CSMD3: variants seen among roughly 807,000 people sequenced by gnomAD.
CSMD3 encodes CUB and Sushi multiple domains 3, also known as CUB and sushi domain-containing protein 3.
CSMD3 carries 177 observed loss-of-function variants against 435.2 expected under a neutral mutation model. That is an observed-to-expected ratio of 0.41 (90% confidence interval 0.36 to 0.46). The LOEUF is 0.46. Ranked by LOEUF, CSMD3 falls within the 20% of genes least tolerant of loss-of-function variation. The pLI, the probability that CSMD3 is intolerant of heterozygous loss-of-function variation, is 0.34. For missense variants in CSMD3, 4,265 were observed against 4,504.6 expected, an observed-to-expected ratio of 0.95 and a Z score of 1.52; for synonymous variants, 1,656 against 1,520.5, an observed-to-expected ratio of 1.09 and a Z score of -2.07.
chr8:113,143,908 T>C (rs879382072), intron 4 of CSMD3, among the ~76,000 whole-genome samples: 2 of 151,386 alleles, frequency 1.3e-5, no homozygotes, highest in Non-Finnish European at 3.0e-5. Flanking sequence ...TGGGATATTG[T>C]ACTATATTTT....
intron 1 of CSMD3, among the ~76,000 whole-genome samples, chr8:113,365,029 A>C (rs1293826432): frequency 2.0e-5 from 3 of 152,056 alleles, no homozygotes; most frequent in African/African-American, 7.2e-5. Flanking sequence ...ATCCCTTAAT[A>C]TCTCTCAGGA....
chr8:112,665,591 T>C (rs530058500), intron 17 of CSMD3, among the ~76,000 whole-genome samples: 1 of 152,298 alleles, frequency 6.6e-6, no homozygotes, highest in Non-Finnish European at 1.5e-5. Context: ...TTTGTTCATC[T>C]GTTTGTTTTT....
chr8:112,386,163 C>G (rs918633423), intron 36 of CSMD3, among the ~76,000 whole-genome samples: 4 of 151,976 alleles, frequency 2.6e-5, no homozygotes, highest in Non-Finnish European at 5.9e-5. Context: ...TGGGCAGGGA[C>G]GAGGGAGGAG....
intron 42 of CSMD3, 145 bp from the exon 43 acceptor site, chr8:112,337,876 C>T (rs781742222): frequency 2.8e-4 from 172 of 605,254 alleles, no homozygotes; most frequent in Middle Eastern, 2.0e-3. Context: ...ATGATAAATG[C>T]TGTCAATGAC....
intron 13 of CSMD3, among the ~76,000 whole-genome samples, chr8:112,758,365 T>G (rs1205311951): frequency 6.6e-6 from 1 of 151,322 alleles, no homozygotes; most frequent in Non-Finnish European, 1.5e-5. Flanking sequence ...AAAAAAAAAT[T>G]TAAAAAAGGA....
rs149175932 is a variant in CSMD3, at chr8:112,939,537, A to C, written c.1508+8253T>G. ...CTTCCCCAAGTCAAGTAAAAAGAGC[A>C]ATAGAACTTAAAAGTAAGTTCATCT... On this transcript the variant is annotated intron_variant, in intron 9 of 70. Coordinates refer to ENST00000297405, the MANE Select transcript of CSMD3 (RefSeq NM_198123.2). Among the ~76,000 whole-genome samples the C allele has an allele frequency of 5.6e-4, 85 of 152,222 alleles. 2 individuals carry two copies. In the East Asian group the frequency reaches 0.014, roughly 24 times the overall value.
At chr8:112,938,618 A>G (rs2083357317) in intron 9 of CSMD3, among the ~76,000 whole-genome samples, 1 of 152,172 alleles carries the variant, frequency 6.6e-6, no homozygotes, top group Non-Finnish European at 1.5e-5. Flanking sequence ...TTAAGCAACT[A>G]GTAAGTTAGA....
intron 1 of CSMD3, among the ~76,000 whole-genome samples, chr8:113,334,817 AT>A (rs2094058563): frequency 2.0e-5 from 3 of 151,958 alleles, no homozygotes; most frequent in Admixed American, 6.6e-5. Flanking sequence ...GAATCGGTGC[AT>A]TTTGTCTTAA....
At chr8:112,700,632 G>A (rs1250143214) in intron 13 of CSMD3, among the ~76,000 whole-genome samples, 1 of 152,128 alleles carries the variant, frequency 6.6e-6, no homozygotes, top group Non-Finnish European at 1.5e-5. Context: ...GACCATTTCT[G>A]TTGGCTCCTC....
intron 1 of CSMD3, among the ~76,000 whole-genome samples, chr8:113,392,095 C>T (rs1404807238): frequency 2.6e-5 from 4 of 152,002 alleles, no homozygotes; most frequent in Non-Finnish European, 4.4e-5. Context: ...TTTCTTGAAA[C>T]CACTGTAAAA....
chr8:112,229,831 T>C (rs1812921649), intron 69 of CSMD3, among the ~76,000 whole-genome samples: 1 of 151,372 alleles, frequency 6.6e-6, no homozygotes, highest in African/African-American at 2.4e-5. Flanking sequence ...TAGGATGGAC[T>C]TCAGGGAATA....
At chr8:113,085,379 A>G (rs1274784825) in intron 5 of CSMD3, among the ~76,000 whole-genome samples, 1 of 152,176 alleles carries the variant, frequency 6.6e-6, no homozygotes, top group Non-Finnish European at 1.5e-5. Flanking sequence ...GAAGTTTCTC[A>G]AAAAACTAAA....
chr8:112,776,701 G>T (rs1184615043), intron 13 of CSMD3, among the ~76,000 whole-genome samples: 2 of 151,726 alleles, frequency 1.3e-5, no homozygotes. Flanking sequence ...GGATGCTAAT[G>T]AATATTTGAA....
chr8:112,233,095 G>A (rs984245612), intron 68 of CSMD3, among the ~76,000 whole-genome samples: 1 of 152,044 alleles, frequency 6.6e-6, no homozygotes, highest in Non-Finnish European at 1.5e-5. Flanking sequence ...TACTTTATAT[G>A]CATAATGTAA....
rs1047773067 is a variant in CSMD3, at chr8:112,223,058, A to G, written c.*1713T>C. On this transcript the variant is annotated 3_prime_UTR_variant, in exon 71 of 71. Transcript: ENST00000297405. ...GTGTATGCATTAATATAAGAGGAGT[A>G]GCCAGTTGCAGAAGAAACATTGTTT... is the stretch of plus-strand genomic sequence containing the variant. The G allele has an allele frequency of 7.5e-6, 3 of 398,516 alleles. No individual in the cohort carries two copies. The highest frequency in any genetic ancestry group is 6.2e-5 in the African/African-American group (3 of 48,636). 24.7% of individuals were successfully genotyped at this position (398,516 alleles called of 1,614,324 possible). A position where few individuals can be genotyped will look rare whatever the true frequency, so the allele number is the denominator to read the frequency against.
chr8:112,773,620 T>C (rs1587249800), intron 13 of CSMD3, among the ~76,000 whole-genome samples: 1 of 152,042 alleles, frequency 6.6e-6, no homozygotes, highest in Non-Finnish European at 1.5e-5. Flanking sequence ...GTGAATAGAC[T>C]ACAGAAAAAA....
intron 52 of CSMD3, among the ~76,000 whole-genome samples, chr8:112,302,749 A>G (rs1821055910): frequency 6.6e-6 from 1 of 151,908 alleles, no homozygotes; most frequent in South Asian, 2.1e-4. Context: ...GAAATAGAAA[A>G]CTTTCAAACT....
At chr8:112,837,812 C>G (rs778689608) in intron 11 of CSMD3, among the ~76,000 whole-genome samples, 5 of 151,620 alleles carry the variant, frequency 3.3e-5, no homozygotes, top group Admixed American at 1.3e-4. Flanking sequence ...CAATAAGTCA[C>G]TCTAATATTA....
intron 2 of CSMD3, among the ~76,000 whole-genome samples, chr8:113,305,349 CGTGA>C (rs886278521): frequency 3.9e-5 from 6 of 152,016 alleles, no homozygotes; most frequent in African/African-American, 1.4e-4. Context: ...GTTTATGGAG[CGTGA>C]GTTTCACTTT....
Sources: allele counts gnomAD v4.1 joint callset (sites outside exome capture counted in the v4.1 genomes callset), GRCh38; gene constraint gnomAD v4.1.1; transcripts MANE v1.5; gene names NCBI Gene and HGNC (gene_info 2026-07-23, HGNC 2026-07-21).